Variants in SYT16 observed in about 807,000 individuals in gnomAD.
SYT16 encodes synaptotagmin-16.
Under a neutral mutation model 61.4 loss-of-function variants are expected in SYT16, and 42 were observed. The observed-to-expected ratio is 0.68, with a 90% CI of 0.53 to 0.89. The LOEUF (loss-of-function observed/expected upper bound fraction) is 0.89, where lower values mean the gene tolerates loss of function less well. SYT16 is among the 40% of genes least tolerant of loss of function. The pLI, the probability that SYT16 is intolerant of heterozygous loss-of-function variation, is 0.00. For synonymous variants in SYT16, 314 were observed against 302.3 expected, an observed-to-expected ratio of 1.04 and a Z score of -0.40; for missense variants, 804 against 807.3, an observed-to-expected ratio of 1.00 and a Z score of 0.05.
chr14:62,057,705 C>A (rs2055627905), intron 3 of SYT16, among the ~76,000 whole-genome samples: 1 of 152,088 alleles, frequency 6.6e-6, no homozygotes, highest in African/African-American at 2.4e-5. Flanking sequence ...AGGGGAGATC[C>A]TCTGGGTCTC....
At chr14:61,975,408 C>T (rs2140541013) in intron 2 of SYT16, among the ~76,000 whole-genome samples, 1 of 152,256 alleles carries the variant, frequency 6.6e-6, no homozygotes, top group African/African-American at 2.4e-5. Flanking sequence ...CTATAAGTAA[C>T]TGCCTAAGAC....
chr14:62,110,537 G>C lies in SYT16; in HGVS notation c.*9830G>C, dbSNP rs1456433214. 6.6e-6 allele frequency: 1 copy of C among 152,046 alleles called. No individual in the cohort carries two copies. Among genetic ancestry groups the C allele is most frequent in the Non-Finnish European group, 1.5e-5 (1 of 67,970 alleles). The allele number at this position is 152,046 out of a possible 1,614,324, so 9.4% of individuals were successfully genotyped here. ...TTTATGTCAATATATCAAAGTAATT[G>C]ACACTTTTAGAGCTCTGCCAATCAG... On this transcript the variant is annotated 3_prime_UTR_variant, in exon 8 of 8. Coordinates refer to ENST00000683842, the MANE Select transcript of SYT16 (RefSeq NM_001367656.1).
intron 3 of SYT16, among the ~76,000 whole-genome samples, chr14:62,027,701 T>C (rs1324726870): frequency 1.3e-5 from 2 of 152,186 alleles, no homozygotes; most frequent in African/African-American, 2.4e-5. Flanking sequence ...TTTTATGTTA[T>C]GTTGGGAGTT....
intron 1 of SYT16, among the ~76,000 whole-genome samples, chr14:61,853,376 T>C (rs572437790): frequency 6.6e-6 from 1 of 152,324 alleles, no homozygotes; most frequent in South Asian, 2.1e-4. Context: ...AGAAACCTAC[T>C]GTTATGGTTT....
chr14:62,025,756 C>G (rs2140779357), intron 3 of SYT16, among the ~76,000 whole-genome samples: 1 of 151,502 alleles, frequency 6.6e-6, no homozygotes, highest in South Asian at 2.1e-4. Context: ...AAGTGGTATT[C>G]TATTTTAAAT....
intron 3 of SYT16, among the ~76,000 whole-genome samples, chr14:62,039,220 A>G (rs1039142454): frequency 1.3e-5 from 2 of 152,216 alleles, no homozygotes; most frequent in Non-Finnish European, 2.9e-5. Context: ...ACAGTGATCC[A>G]TCTTGGGGTT....
At chr14:61,939,081 G>A (rs2050106690) in intron 1 of SYT16, among the ~76,000 whole-genome samples, 1 of 152,206 alleles carries the variant, frequency 6.6e-6, no homozygotes, top group Non-Finnish European at 1.5e-5. Context: ...GTTGTAGTGA[G>A]CTGAGATCGT....
At chr14:61,940,563 C>G (rs535323673) in intron 1 of SYT16, among the ~76,000 whole-genome samples, 1 of 152,308 alleles carries the variant, frequency 6.6e-6, no homozygotes, top group East Asian at 1.9e-4. Context: ...GTATATTTCT[C>G]ATCTGTTAAG....
At position 61,996,044 on chromosome 14, in the gene SYT16, G is replaced by C; in HGVS notation, c.25G>C (p.Asp9His). The C allele has an allele frequency of 6.2e-7, 1 of 1,602,662 alleles. No individual in the cohort carries two copies. Among genetic ancestry groups the C allele is most frequent in the Non-Finnish European group, 8.5e-7 (1 of 1,174,042 alleles). ...CATGGTGTTGGCCATGGCGTCTCAG[G>C]ATGTTCAGAACTTCTTCCAGCCTTT... MVLAMASQ[D>H]VQNFFQPFSS... is the part of the protein sequence containing the mutation. The change falls in exon 3 of 8, where the codon GAT becomes CAT. Residue 9 changes from aspartate to histidine, a missense_variant. Asp to His is a moderately conservative substitution (Grantham distance 81). Coordinates refer to ENST00000683842, the MANE Select transcript of SYT16 (RefSeq NM_001367656.1).
intron 1 of SYT16, among the ~76,000 whole-genome samples, chr14:61,904,423 T>C (rs776577654): frequency 6.6e-6 from 1 of 152,228 alleles, no homozygotes; most frequent in Non-Finnish European, 1.5e-5. Context: ...GGATTGCCCA[T>C]ACCTTGGAGG....
chr14:62,089,819 AAGC>A (rs949290700), intron 7 of SYT16, among the ~76,000 whole-genome samples: 2 of 152,228 alleles, frequency 1.3e-5, no homozygotes, highest in African/African-American at 4.8e-5. Context: ...CCAGATGAAA[AAGC>A]AGTGTATAGT....
chr14:62,106,186 C>G lies in SYT16; in HGVS notation c.*5479C>G, dbSNP rs1329897900. 1 of 152,204 alleles carries G rather than the reference C, an allele frequency of 6.6e-6. No homozygotes were observed. The highest frequency in any genetic ancestry group is 1.5e-5 in the Non-Finnish European group (1 of 68,038). The allele number at this position is 152,204 out of a possible 1,614,324, so 9.4% of individuals were successfully genotyped here. On this transcript the variant is annotated 3_prime_UTR_variant, in exon 8 of 8. Transcript: ENST00000683842. ...CTATGCTATCTGGGCTGGCACAGAA[C>G]TTAAAATCTCTTTGGAGTGCTATGA...
intron 1 of SYT16, among the ~76,000 whole-genome samples, chr14:61,826,771 A>C (rs2045783904): frequency 6.6e-6 from 1 of 152,006 alleles, no homozygotes; most frequent in Non-Finnish European, 1.5e-5. Context: ...TGGCTTAAAC[A>C]ACACACACGT....
chr14:62,041,327 A>G (rs2054721170), intron 3 of SYT16, among the ~76,000 whole-genome samples: 1 of 152,188 alleles, frequency 6.6e-6, no homozygotes, highest in Non-Finnish European at 1.5e-5. Context: ...CTTATTAACT[A>G]AAGCCCATAG....
intron 1 of SYT16, among the ~76,000 whole-genome samples, chr14:61,968,176 G>A (rs1423438727): frequency 6.6e-6 from 1 of 152,134 alleles, no homozygotes; most frequent in African/African-American, 2.4e-5. Context: ...CATGAGAATC[G>A]CTTAAACTCA....
intron 3 of SYT16, among the ~76,000 whole-genome samples, chr14:62,068,241 T>TG (rs887289307): frequency 1.1e-4 from 14 of 122,460 alleles, no homozygotes; most frequent in African/African-American, 4.8e-4. Context: ...GAAAAAAAAA[T>TG]TTTTAAAAAG....
chr14:62,069,418 C>G, intron 3 of SYT16, 185 bp from the exon 4 acceptor site: 2 of 603,710 alleles, frequency 3.3e-6, no homozygotes, highest in Non-Finnish European at 2.9e-6. Context: ...CCTTCATGAG[C>G]ATTCTTTGCT....
intron 3 of SYT16, among the ~76,000 whole-genome samples, chr14:62,001,184 A>T (rs1194077946): frequency 1.3e-5 from 2 of 152,136 alleles, no homozygotes; most frequent in African/African-American, 4.8e-5. Flanking sequence ...CTTTTCTTTG[A>T]AAAATGCGTG....
chr14:61,812,640 G>A, upstream of SYT16: 1 of 146,802 alleles, frequency 6.8e-6, no homozygotes, highest in South Asian at 1.8e-4. Flanking sequence ...GCGCGGGGCG[G>A]CGCGGGGCGG....
Sources: allele counts gnomAD v4.1 joint callset (sites outside exome capture counted in the v4.1 genomes callset), GRCh38; gene constraint gnomAD v4.1.1; transcripts MANE v1.5; gene names NCBI Gene and HGNC (gene_info 2026-07-23, HGNC 2026-07-21).